Variants in HS2ST1 observed in about 807,000 individuals in gnomAD.
The protein encoded by HS2ST1 is heparan sulfate 2-O-sulfotransferase 1.
A neutral mutation model predicts 42.9 loss-of-function variants in HS2ST1; 18 were observed. That is an observed-to-expected ratio of 0.42 (90% CI 0.29 to 0.62). The LOEUF is 0.62. Among genes scored for constraint, HS2ST1 ranks in the 20% least tolerant of loss-of-function variants. The probability of loss-of-function intolerance (pLI) is 0.21; values close to 1 mark genes in which losing one functional copy is unlikely to be tolerated. For missense variants in HS2ST1, 334 were observed against 433.8 expected, an observed-to-expected ratio of 0.77 and a Z score of 2.04; for synonymous variants, 146 against 152.9, an observed-to-expected ratio of 0.95 and a Z score of 0.33.
chr1:86,989,108 T>G (rs576609298), intron 1 of HS2ST1, among the ~76,000 whole-genome samples: 2 of 152,348 alleles, frequency 1.3e-5, no homozygotes, highest in South Asian at 4.1e-4. Context: ...TTTATAGATG[T>G]AGATTTCTTT....
At chr1:87,037,831 C>T (rs904674973) in intron 1 of HS2ST1, among the ~76,000 whole-genome samples, 1 of 151,878 alleles carries the variant, frequency 6.6e-6, no homozygotes, top group East Asian at 1.9e-4. Context: ...TACTTCCAGA[C>T]GTAGTTCATT....
chr1:87,037,858 A>C (rs2100601742), intron 1 of HS2ST1, among the ~76,000 whole-genome samples: 1 of 152,144 alleles, frequency 6.6e-6, no homozygotes, highest in East Asian at 1.9e-4. Flanking sequence ...ACTGCTATGT[A>C]GCATATATCT....
At chr1:87,081,475 A>G (rs1001420594) in intron 2 of HS2ST1, among the ~76,000 whole-genome samples, 1 of 152,250 alleles carries the variant, frequency 6.6e-6, no homozygotes, top group African/African-American at 2.4e-5. Context: ...AAATTTAACA[A>G]TTTCTTGAAA....
chr1:86,984,683 G>A (rs1399156953), intron 1 of HS2ST1, among the ~76,000 whole-genome samples: 1 of 151,702 alleles, frequency 6.6e-6, no homozygotes, highest in African/African-American at 2.4e-5. Context: ...GTCAGGAGTT[G>A]GAGACCAGCT....
intron 3 of HS2ST1, among the ~76,000 whole-genome samples, chr1:87,084,863 A>ACTCACTCC: frequency 6.9e-6 from 1 of 145,154 alleles, no homozygotes; most frequent in African/African-American, 2.6e-5. Context: ...TCACTCACTC[A>ACTCACTCC]CTCACTCCTG....
chr1:87,055,697 A>C (rs1008894277), intron 1 of HS2ST1, among the ~76,000 whole-genome samples: 6 of 152,202 alleles, frequency 3.9e-5, no homozygotes, highest in African/African-American at 1.4e-4. Flanking sequence ...TCATTTTCAT[A>C]ATAATTCTAA....
rs1652294440 is a variant in HS2ST1 at position 87,104,816 on chromosome 1, A to G, written c.*120A>G. 2 of 618,374 alleles carry G rather than the reference A, an allele frequency of 3.2e-6. No individual in the cohort carries two copies. The highest frequency in any genetic ancestry group is 5.5e-5 in the East Asian group (2 of 36,310). 38.3% of individuals were successfully genotyped at this position (618,374 alleles called of 1,614,324 possible). ...TATATGACAATTTGTATTGAGCCAAATTAGGAAACAGACAGTAACGTCAAG... is the reference window on the plus strand; with the variant it reads ...TATATGACAATTTGTATTGAGCCAAGTTAGGAAACAGACAGTAACGTCAAG... On this transcript the variant is annotated 3_prime_UTR_variant, in exon 7 of 7. Transcript: ENST00000370550.
chr1:87,075,365 C>A (rs150287890), intron 2 of HS2ST1, among the ~76,000 whole-genome samples: 3,853 of 152,058 alleles, frequency 0.025, 71 homozygotes, highest in Non-Finnish European at 0.04. Flanking sequence ...CAGAGTCTCA[C>A]CGTGTTAGTC....
intron 1 of HS2ST1, among the ~76,000 whole-genome samples, chr1:87,043,186 G>A (rs556279547): frequency 1.5e-4 from 23 of 152,204 alleles, no homozygotes; most frequent in Non-Finnish European, 2.6e-4. Flanking sequence ...AAGGTTCTTT[G>A]TGATAATTTT....
At chr1:87,026,322 T>C (rs532071431) in intron 1 of HS2ST1, among the ~76,000 whole-genome samples, 89 of 152,336 alleles carry the variant, frequency 5.8e-4, no homozygotes, top group African/African-American at 2.0e-3. Flanking sequence ...GGTAAAAATA[T>C]GGTAGGATCA....
At chr1:87,008,176 T>C (rs1649494811) in intron 1 of HS2ST1, among the ~76,000 whole-genome samples, 1 of 152,164 alleles carries the variant, frequency 6.6e-6, no homozygotes, top group Non-Finnish European at 1.5e-5. Flanking sequence ...GTTTCCTGTA[T>C]TAAATCTCAA....
At chr1:86,983,187 T>C (rs1256098512) in intron 1 of HS2ST1, among the ~76,000 whole-genome samples, 1 of 152,176 alleles carries the variant, frequency 6.6e-6, no homozygotes. Context: ...GCAAAAATGA[T>C]TTCACTTTCA....
chr1:86,950,539 G>A (rs1438448931), intron 1 of HS2ST1, among the ~76,000 whole-genome samples: 1 of 152,128 alleles, frequency 6.6e-6, no homozygotes, highest in African/African-American at 2.4e-5. Context: ...TTTGAATGGT[G>A]TAATATGAAT....
chr1:87,018,153 C>CACACACACACACACACACACACACAG (rs1325046712), intron 1 of HS2ST1, among the ~76,000 whole-genome samples: 4 of 151,254 alleles, frequency 2.6e-5, no homozygotes, highest in Non-Finnish European at 2.9e-5. Flanking sequence ...CACACACACA[C>CACACACACACACACACACACACACAG]ACACACACAC....
intron 1 of HS2ST1, among the ~76,000 whole-genome samples, chr1:86,926,914 T>C (rs943587652): frequency 6.6e-6 from 1 of 152,214 alleles, no homozygotes; most frequent in African/African-American, 2.4e-5. Flanking sequence ...GTATGTTAGT[T>C]AATTCTTTGA....
intron 1 of HS2ST1, among the ~76,000 whole-genome samples, chr1:86,996,004 A>G (rs900831187): frequency 1.3e-5 from 2 of 152,210 alleles, no homozygotes; most frequent in Non-Finnish European, 1.5e-5. Context: ...TGGATAAAAT[A>G]TATAATATTT....
chr1:87,098,333 G>C, intron 5 of HS2ST1: 1 of 987,260 alleles, frequency 1.0e-6, no homozygotes, highest in Non-Finnish European at 1.2e-6. Flanking sequence ...TGGTTTTACT[G>C]TTAAACTGAT....
intron 3 of HS2ST1, among the ~76,000 whole-genome samples, chr1:87,090,203 G>A (rs1242741728): frequency 6.6e-6 from 1 of 151,894 alleles, no homozygotes; most frequent in Admixed American, 6.6e-5. Context: ...AATTCACAAC[G>A]GTCTCCTCAA....
At chr1:86,950,297 G>A (rs564599352) in intron 1 of HS2ST1, among the ~76,000 whole-genome samples, 2 of 152,190 alleles carry the variant, frequency 1.3e-5, no homozygotes, top group East Asian at 3.9e-4. Context: ...TTCATGTCTT[G>A]GACCCTTCAA....
Sources: allele counts gnomAD v4.1 joint callset (sites outside exome capture counted in the v4.1 genomes callset), GRCh38; gene constraint gnomAD v4.1.1; transcripts MANE v1.5; gene names NCBI Gene and HGNC (gene_info 2026-07-23, HGNC 2026-07-21).